CNTNAP2: variants seen among roughly 807,000 people sequenced by gnomAD.
The protein encoded by CNTNAP2 is contactin-associated protein-like 2.
Under a neutral mutation model 155.2 loss-of-function variants are expected in CNTNAP2, and 98 were observed. The ratio of observed to expected loss-of-function variants is 0.63; its 90% confidence interval spans 0.54 to 0.75. CNTNAP2 has a LOEUF of 0.75. Among genes scored for constraint, CNTNAP2 ranks in the 30% least tolerant of loss-of-function variants. The pLI is 0.00. For missense variants in CNTNAP2, 1,727 were observed against 1,688.1 expected, an observed-to-expected ratio of 1.02 and a Z score of -0.40; for synonymous variants, 651 against 631.2, an observed-to-expected ratio of 1.03 and a Z score of -0.47.
chr7:147,384,481 CAG>C (rs1188054364), intron 9 of CNTNAP2, among the ~76,000 whole-genome samples: 2 of 152,078 alleles, frequency 1.3e-5, no homozygotes, highest in Non-Finnish European at 2.9e-5. Flanking sequence ...TCAGAATATT[CAG>C]AGTCTTTGAA....
At position 148,411,088 on chromosome 7, in the gene CNTNAP2, C is replaced by G. The variant is rs1035387298; in HGVS notation, c.3796+1617C>G. On this transcript the variant is annotated intron_variant, in intron 23 of 23. Coordinates refer to ENST00000361727, the MANE Select transcript of CNTNAP2 (RefSeq NM_014141.6). The stretch of plus-strand genomic sequence containing the variant: ...AAATATTCCAGTGTTTTCTTCTCAC[C>G]ATGGACAGCTACATAATAATTTGAC... Among the ~76,000 whole-genome samples the G allele has an allele frequency of 5.9e-5, 9 of 152,196 alleles. No individual in the cohort carries two copies. The South Asian group carries it at 1.5e-3, about 25-fold the overall frequency.
chr7:146,566,425 A>G (rs1303252020), intron 1 of CNTNAP2, among the ~76,000 whole-genome samples: 2 of 152,192 alleles, frequency 1.3e-5, no homozygotes, highest in Non-Finnish European at 2.9e-5. Flanking sequence ...AAGCGCTTTT[A>G]TCTTGGAAGA....
chr7:146,668,363 G>C (rs1257644509), intron 1 of CNTNAP2, among the ~76,000 whole-genome samples: 2 of 151,290 alleles, frequency 1.3e-5, no homozygotes, highest in Non-Finnish European at 2.9e-5. Flanking sequence ...GCTGGATTTA[G>C]CTTGCTAGTA....
intron 13 of CNTNAP2, among the ~76,000 whole-genome samples, chr7:147,868,286 A>AAACAGCAAATATTGCAG (rs1316781210): frequency 2.0e-5 from 3 of 152,194 alleles, no homozygotes; most frequent in African/African-American, 7.2e-5. Context: ...AGAGGCTGCA[A>AAACAGCAAATATTGCAG]AACAGCAAAT....
intron 1 of CNTNAP2, among the ~76,000 whole-genome samples, chr7:146,486,899 T>C (rs1240704481): frequency 6.6e-6 from 1 of 152,204 alleles, no homozygotes; most frequent in African/African-American, 2.4e-5. Context: ...CCAAGTGTTT[T>C]CTCTAAGAAA....
intron 1 of CNTNAP2, among the ~76,000 whole-genome samples, chr7:146,350,559 G>T (rs1057295518): frequency 5.3e-5 from 8 of 151,698 alleles, no homozygotes; most frequent in African/African-American, 1.9e-4. Flanking sequence ...GGAGAAATAG[G>T]AACACTTTTA....
At chr7:146,596,598 AGAGAGAGAGAG>A (rs1798863121) in intron 1 of CNTNAP2, among the ~76,000 whole-genome samples, 9 of 37,398 alleles carry the variant, frequency 2.4e-4, no homozygotes, top group African/African-American at 1.3e-3. Context: ...AGGGAGACAG[AGAGAGAGAGAG>A]AGAGAGAGAG....
intron 8 of CNTNAP2, among the ~76,000 whole-genome samples, chr7:147,182,603 G>A (rs1405747660): frequency 6.6e-6 from 1 of 151,462 alleles, no homozygotes; most frequent in Non-Finnish European, 1.5e-5. Flanking sequence ...GCCTTAGATT[G>A]AAACCTAAGT....
At chr7:148,087,179 C>T (rs1803749985) in intron 15 of CNTNAP2, among the ~76,000 whole-genome samples, 1 of 152,096 alleles carries the variant, frequency 6.6e-6, no homozygotes, top group Admixed American at 6.6e-5. Flanking sequence ...CAATAAAATG[C>T]TAGTCTTCAT....
chr7:147,872,802 C>A (rs560958935), intron 13 of CNTNAP2, among the ~76,000 whole-genome samples: 1 of 152,218 alleles, frequency 6.6e-6, no homozygotes, highest in South Asian at 2.1e-4. Context: ...TATCAAGTAT[C>A]CTTCTCATGT....
At chr7:146,705,713 G>T (rs1800952926) in intron 1 of CNTNAP2, among the ~76,000 whole-genome samples, 1 of 152,072 alleles carries the variant, frequency 6.6e-6, no homozygotes, top group Non-Finnish European at 1.5e-5. Flanking sequence ...CTGTGCAGGG[G>T]AACTCCTATT....
intron 20 of CNTNAP2, among the ~76,000 whole-genome samples, chr7:148,232,135 G>A (rs989007974): frequency 2.0e-5 from 3 of 152,174 alleles, no homozygotes; most frequent in South Asian, 4.1e-4. Flanking sequence ...AGCCCAGCCT[G>A]TCCCATCTAC....
intron 8 of CNTNAP2, among the ~76,000 whole-genome samples, chr7:147,231,398 G>A (rs1461368845): frequency 1.3e-5 from 2 of 152,198 alleles, no homozygotes; most frequent in African/African-American, 4.8e-5. Context: ...ATAGACATGG[G>A]AGAGTAGATA....
intron 9 of CNTNAP2, among the ~76,000 whole-genome samples, chr7:147,390,112 T>C (rs1796684601): frequency 6.6e-6 from 1 of 152,118 alleles, no homozygotes; most frequent in African/African-American, 2.4e-5. Context: ...AAATAAATAA[T>C]AGGTTCTCCT....
chr7:146,799,422 A>G (rs536343710), intron 2 of CNTNAP2, among the ~76,000 whole-genome samples: 4 of 152,314 alleles, frequency 2.6e-5, no homozygotes, highest in Non-Finnish European at 1.5e-5. Context: ...AGCATAGAAT[A>G]TGTGTCTAAT....
intron 3 of CNTNAP2, among the ~76,000 whole-genome samples, chr7:146,976,977 A>T (rs1006596841): frequency 5.3e-5 from 8 of 152,270 alleles, no homozygotes; most frequent in Non-Finnish European, 1.2e-4. Flanking sequence ...GCGGAGGAAG[A>T]TTCCTGCCCT....
At chr7:146,607,449 T>C (rs1799066496) in intron 1 of CNTNAP2, among the ~76,000 whole-genome samples, 2 of 152,006 alleles carry the variant, frequency 1.3e-5, no homozygotes, top group African/African-American at 4.8e-5. Context: ...AGATGGGCCA[T>C]CTTTTGTTTT....
intron 8 of CNTNAP2, among the ~76,000 whole-genome samples, chr7:147,269,954 C>A (rs2116702566): frequency 6.6e-6 from 1 of 152,120 alleles, no homozygotes; most frequent in Admixed American, 6.5e-5. Context: ...CCCAGCTATT[C>A]AGGAGGCTGA....
intron 13 of CNTNAP2, among the ~76,000 whole-genome samples, chr7:147,698,585 C>A (rs1437045125): frequency 6.6e-6 from 1 of 152,052 alleles, no homozygotes; most frequent in Non-Finnish European, 1.5e-5. Flanking sequence ...TTTTTTAAGA[C>A]ATGGTCTTGC....
Sources: gnomAD v4.1 joint callset for allele counts (sites outside exome capture counted in the v4.1 genomes callset) on GRCh38, gnomAD v4.1.1 for gene constraint, MANE v1.5 for transcripts, NCBI Gene and HGNC (gene_info 2026-07-23, HGNC 2026-07-21) for gene names.